FNDC3B: variants seen among roughly 807,000 people sequenced by gnomAD.
The protein encoded by FNDC3B is fibronectin type III domain-containing protein 3B.
In FNDC3B, 12 loss-of-function variants were observed where a neutral mutation model predicts 151.5. The ratio of observed to expected loss-of-function variants is 0.08; its 90% confidence interval spans 0.05 to 0.13. FNDC3B has a LOEUF of 0.13. Ranked by LOEUF, FNDC3B falls within the 10% of genes least tolerant of loss-of-function variation. FNDC3B has a pLI of 1.00. For synonymous variants in FNDC3B, 528 were observed against 549.0 expected (o/e 0.96, Z 0.54); for missense variants, 1,214 against 1,505.3 (o/e 0.81, Z 3.20).
At chr3:172,389,468 A>G (rs1735892161) in intron 25 of FNDC3B, among the ~76,000 whole-genome samples, 1 of 152,260 alleles carries the variant, frequency 6.6e-6, no homozygotes. Flanking sequence ...TACAACTAGA[A>G]GAGTATTTGC....
intron 4 of FNDC3B, among the ~76,000 whole-genome samples, chr3:172,228,742 A>T (rs991236371): frequency 6.6e-6 from 1 of 152,222 alleles, no homozygotes; most frequent in African/African-American, 2.4e-5. Context: ...ATTTGAATTG[A>T]AAAAGGGAAA....
chr3:172,395,687 G>T (rs115060231), intron 25 of FNDC3B, among the ~76,000 whole-genome samples: 2,110 of 152,240 alleles, frequency 0.014, 46 homozygotes, highest in African/African-American at 0.048. Flanking sequence ...CATATATCTG[G>T]CTAAGGACTT....
chr3:172,187,543 A>C lies in FNDC3B; in HGVS notation c.188-39328A>C, dbSNP rs114910426. On this transcript the variant is annotated intron_variant, in intron 3 of 25. Transcript: ENST00000415807. ...AGAAACAACAATGATATTTAGTAAA[A>C]ATTGAAGACATAATTATCCAGTTAC... 4.1e-3 allele frequency among the ~76,000 whole-genome samples: 620 copies of C among 152,302 alleles called. 5 individuals carry two copies. Among genetic ancestry groups the C allele is most frequent in the African/African-American group, 0.014 (568 of 41,552 alleles).
At chr3:172,145,811 C>CTTT (rs34361134) in intron 3 of FNDC3B, among the ~76,000 whole-genome samples, 4 of 114,116 alleles carry the variant, frequency 3.5e-5, no homozygotes, top group Non-Finnish European at 7.1e-5. Flanking sequence ...AGGTTTCTTT[C>CTTT]TTTTTTTTTT....
At chr3:172,134,461 T>A in intron 3 of FNDC3B, 1 of 496,102 alleles carries the variant, frequency 2.0e-6, no homozygotes, top group South Asian at 1.5e-5. Flanking sequence ...AGGTTATTAA[T>A]TGAACTGGAA....
At chr3:172,313,596 A>AGATAACTGT (rs1172697423) in intron 11 of FNDC3B, among the ~76,000 whole-genome samples, 1 of 152,212 alleles carries the variant, frequency 6.6e-6, no homozygotes, top group Non-Finnish European at 1.5e-5. Flanking sequence ...GACGTAGTAA[A>AGATAACTGT]GATAACTGTG....
At chr3:172,259,469 G>T (rs1728530990) in intron 6 of FNDC3B, among the ~76,000 whole-genome samples, 1 of 152,134 alleles carries the variant, frequency 6.6e-6, no homozygotes. Flanking sequence ...GATAGTTCTG[G>T]GGACAGAAGC....
At chr3:172,188,397 G>A (rs979802473) in intron 3 of FNDC3B, among the ~76,000 whole-genome samples, 2 of 149,610 alleles carry the variant, frequency 1.3e-5, no homozygotes, top group Admixed American at 6.7e-5. Flanking sequence ...AACTGAAGTT[G>A]GTTTTTTGTT....
intron 5 of FNDC3B, among the ~76,000 whole-genome samples, chr3:172,251,038 G>A (rs1276786049): frequency 3.9e-5 from 6 of 152,090 alleles, no homozygotes; most frequent in African/African-American, 9.6e-5. Context: ...GGCTAGTTTC[G>A]AACTCCCAAG....
At chr3:172,155,642 C>T (rs1348806513) in intron 3 of FNDC3B, among the ~76,000 whole-genome samples, 1 of 152,234 alleles carries the variant, frequency 6.6e-6, no homozygotes, top group Non-Finnish European at 1.5e-5. Flanking sequence ...GCCTCTAACT[C>T]AGTCAACAGA....
At chr3:172,122,046 G>A (rs1720577569) in intron 2 of FNDC3B, among the ~76,000 whole-genome samples, 1 of 152,212 alleles carries the variant, frequency 6.6e-6, no homozygotes, top group Admixed American at 6.5e-5. Context: ...AAGAAAAGAT[G>A]AGACACTTCT....
chr3:172,342,495 T>G (rs769151430), intron 17 of FNDC3B, among the ~76,000 whole-genome samples: 4 of 152,212 alleles, frequency 2.6e-5, no homozygotes, highest in Admixed American at 6.5e-5. Context: ...CCACTAGCCT[T>G]ACGCAACCAG....
intron 19 of FNDC3B, chr3:172,346,044 T>C (rs1733597746): frequency 5.3e-6 from 1 of 189,434 alleles, no homozygotes; most frequent in Non-Finnish European, 1.1e-5. Flanking sequence ...AATCAGCATA[T>C]TTTTATTTCA....
At chr3:172,213,309 G>A (rs1035109774) in intron 3 of FNDC3B, among the ~76,000 whole-genome samples, 13 of 152,140 alleles carry the variant, frequency 8.5e-5, no homozygotes, top group African/African-American at 1.2e-4. Flanking sequence ...CCAAAGGTGC[G>A]TCTCATTGGA....
At chr3:172,342,497 C>T (rs144344697) in intron 17 of FNDC3B, among the ~76,000 whole-genome samples, 8 of 152,310 alleles carry the variant, frequency 5.3e-5, no homozygotes, top group Non-Finnish European at 8.8e-5. Context: ...ACTAGCCTTA[C>T]GCAACCAGAT....
chr3:172,192,399 A>G (rs1330989815), intron 3 of FNDC3B, among the ~76,000 whole-genome samples: 1 of 151,776 alleles, frequency 6.6e-6, no homozygotes, highest in Non-Finnish European at 1.5e-5. Context: ...GTTAGCCAGG[A>G]TGGTCTTGCT....
chr3:172,186,753 C>T, intron 3 of FNDC3B: 1 of 702,330 alleles, frequency 1.4e-6, no homozygotes, highest in Non-Finnish European at 2.6e-6. Context: ...ATTTTTTCAT[C>T]TCAGCTTTTT....
Position 172,043,674 on chromosome 3 carries a change from C to T in FNDC3B, c.-29+3903C>T, listed in dbSNP as rs1418606741. Among the ~76,000 whole-genome samples the T allele has an allele frequency of 3.3e-5, 5 of 152,274 alleles. No homozygotes were observed. The South Asian group carries it at 8.3e-4, about 25-fold the overall frequency. On this transcript the variant is annotated intron_variant, in intron 1 of 25. Transcript: ENST00000415807. ...TTTAAAGACTGAGTTAGCTATAGCT[C>T]AACTTTGCTTTCATATGTAGAGTGG...
At chr3:172,102,408 T>G (rs1719419243) in intron 1 of FNDC3B, among the ~76,000 whole-genome samples, 1 of 152,138 alleles carries the variant, frequency 6.6e-6, no homozygotes, top group Non-Finnish European at 1.5e-5. Flanking sequence ...TTTTTTTTTC[T>G]TCTATTCAAG....
Sources: gnomAD v4.1 joint callset for allele counts (sites outside exome capture counted in the v4.1 genomes callset) on GRCh38, gnomAD v4.1.1 for gene constraint, MANE v1.5 for transcripts, NCBI Gene and HGNC (gene_info 2026-07-23, HGNC 2026-07-21) for gene names.